Variants in RPH3AL observed in about 807,000 individuals in gnomAD.
RPH3AL encodes the protein rabphilin 3A like (without C2 domains).
RPH3AL carries 38 observed loss-of-function variants against 43.1 expected under a neutral mutation model. The ratio of observed to expected loss-of-function variants is 0.88; its 90% CI spans 0.68 to 1.15. RPH3AL has a LOEUF of 1.15. RPH3AL is among the 50% of genes most tolerant of loss of function. The probability of loss-of-function intolerance (pLI) is 0.00; values close to 1 mark genes in which losing one functional copy is unlikely to be tolerated. For missense variants in RPH3AL, 462 were observed against 423.2 expected (o/e 1.09, Z -0.81); for synonymous variants, 189 against 176.3 (o/e 1.07, Z -0.57).
chr17:257,265 G>A (rs1367486866), intron 6 of RPH3AL, among the ~76,000 whole-genome samples: 1 of 27,038 alleles, frequency 3.7e-5, no homozygotes, highest in African/African-American at 1.0e-4. Context: ...GGAGCCGCAC[G>A]GCGTCTGTCC....
At chr17:241,285 A>G (rs1394851212) in intron 7 of RPH3AL, among the ~76,000 whole-genome samples, 2 of 152,020 alleles carry the variant, frequency 1.3e-5, no homozygotes, top group Non-Finnish European at 2.9e-5. Context: ...AGTCCCAGCT[A>G]CTGGGGAGGC....
chr17:333,395 T>C lies in RPH3AL; in HGVS notation c.-37+364A>G. 1.2e-6 allele frequency: 1 copy of C among 856,204 alleles called. No individual in the cohort carries two copies. Among genetic ancestry groups the C allele is most frequent in the Non-Finnish European group, 1.6e-6 (1 of 615,942 alleles). 53.0% of individuals were successfully genotyped at this position (856,204 alleles called of 1,614,324 possible). ...CACCTTAATGTAGCACCTTCCAACT[T>C]TTCCTGGGCATTTATGTACAAATTG... On this transcript the variant is annotated intron_variant, in intron 2 of 9. Coordinates refer to ENST00000331302, the MANE Select transcript of RPH3AL (RefSeq NM_006987.4). This position sits in a 1 kb window ranked among gnomAD's most constrained non-coding sequence, Gnocchi z 4.5.
At chr17:321,841 T>C (rs1374530572) in intron 3 of RPH3AL, among the ~76,000 whole-genome samples, 1 of 152,120 alleles carries the variant, frequency 6.6e-6, no homozygotes, top group Admixed American at 6.5e-5. Context: ...CAGCACCACC[T>C]TAGCCCGGGA....
chr17:246,972 G>T lies in RPH3AL; in HGVS notation c.613+139C>A. ...CTCGGGAGAAGGTGTGGAGCTGAGG[G>T]CACAGGGAGGGACGCATCACCAGAA... On this transcript the variant is annotated intron_variant, in intron 7 of 9. Coordinates refer to ENST00000331302, the MANE Select transcript of RPH3AL (RefSeq NM_006987.4). This position sits in a 1 kb window ranked among gnomAD's most constrained non-coding sequence, Gnocchi z 4.8. 1.1e-6 allele frequency: 1 copy of T among 890,396 alleles called. No homozygotes were observed. Among genetic ancestry groups the T allele is most frequent in the Non-Finnish European group, 1.8e-6 (1 of 553,304 alleles). 55.2% of individuals were successfully genotyped at this position (890,396 alleles called of 1,614,324 possible).
chr17:289,192 C>T lies in RPH3AL; in HGVS notation c.352-7338G>A, dbSNP rs2042990775. ...ACAGGCCCCCCCACACCCCAGGTTG[C>T]AGATGAGGGGATCAAGGGAGACGGT... On this transcript the variant is annotated intron_variant, in intron 5 of 9. Transcript: ENST00000331302. This position sits in a 1 kb window ranked among gnomAD's most constrained non-coding sequence, Gnocchi z 5.2. Among the ~76,000 whole-genome samples, 1 of 152,094 alleles carries T rather than the reference C, an allele frequency of 6.6e-6. No homozygotes were observed. The highest frequency in any genetic ancestry group is 2.4e-5 in the African/African-American group (1 of 41,410).
chr17:293,894 T>A (rs1209873002), intron 5 of RPH3AL, among the ~76,000 whole-genome samples: 1 of 151,916 alleles, frequency 6.6e-6, no homozygotes, highest in Non-Finnish European at 1.5e-5. Context: ...CCGGGCGCGG[T>A]GGTACTCACC....
intron 5 of RPH3AL, among the ~76,000 whole-genome samples, chr17:297,707 C>T (rs537477010): frequency 2.9e-4 from 44 of 152,298 alleles, no homozygotes; most frequent in Admixed American, 2.0e-3. Flanking sequence ...CCTGTGCTTC[C>T]GGAAGGCTTA....
chr17:316,639 A>G (rs1324682567), intron 5 of RPH3AL, among the ~76,000 whole-genome samples: 1 of 121,982 alleles, frequency 8.2e-6, no homozygotes, highest in Admixed American at 8.8e-5. Flanking sequence ...CTCCACCTCC[A>G]TTGACCTGCA....
intron 7 of RPH3AL, among the ~76,000 whole-genome samples, chr17:244,253 C>CTATTGATTACCTTCCTT (rs1555538748): frequency 1.3e-5 from 2 of 151,124 alleles, no homozygotes; most frequent in Non-Finnish European, 2.9e-5. Context: ...TTACCTTCCT[C>CTATTGATTACCTTCCTT]TATTGATTAC....
chr17:220,061 G>A (rs2040920831), intron 7 of RPH3AL, among the ~76,000 whole-genome samples: 1 of 152,196 alleles, frequency 6.6e-6, no homozygotes, highest in Non-Finnish European at 1.5e-5. Flanking sequence ...CACTGGCCGT[G>A]TCGGAGGCTG....
At chr17:229,627 G>A (rs2041182875) in intron 7 of RPH3AL, among the ~76,000 whole-genome samples, 1 of 152,206 alleles carries the variant, frequency 6.6e-6, no homozygotes, top group Non-Finnish European at 1.5e-5. Context: ...GGGATGCTTG[G>A]TGGCCTCAGC....
Position 219,662 on chromosome 17 carries a change from C to T in RPH3AL, c.688G>A (p.Val230Ile), listed in dbSNP as rs928514923. The stretch of plus-strand genomic sequence containing the variant: ...GGTTTGTCGCCTTTCCGGTCCCTGA[C>T]CCCAGTGGATGGGAGTCTGTCCTCT... The part of the protein sequence containing the change: ...SLEDRLPSTG[V>I]RDRKGDKPWK... The change falls in exon 8 of 10, where the codon GTC becomes ATC. Residue 230 changes from valine to isoleucine, a missense_variant. By Grantham distance (29) the Val-to-Ile change is conservative (BLOSUM62 3). Coordinates refer to ENST00000331302, the MANE Select transcript of RPH3AL (RefSeq NM_006987.4). The T allele has an allele frequency of 2.5e-6, 4 of 1,613,290 alleles. No individual in the cohort carries two copies. In the African/African-American group the frequency reaches 5.4e-5, roughly 22 times the overall value.
In RPH3AL at chr17:238,406, A is replaced by G. The variant is rs547087106; in HGVS notation, c.613+8705T>C. ...CTAGGCAGCGGTGCCTGCGGGTCAC[A>G]GCTCTGGAGGTTGAAGAGAAGAAGC... On this transcript the variant is annotated intron_variant, in intron 7 of 9. Coordinates refer to ENST00000331302, the MANE Select transcript of RPH3AL (RefSeq NM_006987.4). 5.3e-5 allele frequency among the ~76,000 whole-genome samples: 8 copies of G among 151,454 alleles called. No individual in the cohort carries two copies. The South Asian group carries it at 1.0e-3, about 20-fold the overall frequency.
chr17:267,306 C>T (rs1043001061), intron 6 of RPH3AL, among the ~76,000 whole-genome samples: 10 of 152,224 alleles, frequency 6.6e-5, no homozygotes, highest in African/African-American at 2.4e-4. Flanking sequence ...GCTGCTCTGA[C>T]ACCGGTTTGA....
chr17:314,607 T>G (rs2043819556), intron 5 of RPH3AL, among the ~76,000 whole-genome samples: 2 of 150,288 alleles, frequency 1.3e-5, no homozygotes, highest in African/African-American at 2.5e-5. Context: ...TCCACTGACC[T>G]GTAGTCCCTG....
At chr17:273,041 G>GTCAGGGAGAGACCCCAGCAAGGGCT (rs2042539612) in intron 6 of RPH3AL, among the ~76,000 whole-genome samples, 1 of 101,590 alleles carries the variant, frequency 9.8e-6, no homozygotes, top group African/African-American at 3.3e-5. Context: ...CAGCGAGGGC[G>GTCAGGGAGAGACCCCAGCAAGGGCT]ACGTCAGGGA....
At chr17:352,142 G>T (rs991182710) in intron 1 of RPH3AL, among the ~76,000 whole-genome samples, 4 of 152,176 alleles carry the variant, frequency 2.6e-5, no homozygotes, top group African/African-American at 9.7e-5. Flanking sequence ...GTTATCTGGG[G>T]ACTTGTCACC....
intron 5 of RPH3AL, among the ~76,000 whole-genome samples, chr17:312,023 G>A (rs182232835): frequency 6.6e-6 from 1 of 152,264 alleles, no homozygotes; most frequent in East Asian, 1.9e-4. Context: ...AAAGGGAGAG[G>A]CCGGGTGCTG....
At position 245,099 on chromosome 17, in the gene RPH3AL, G is replaced by A. The variant is rs976577559; in HGVS notation, c.613+2012C>T. On this transcript the variant is annotated intron_variant, in intron 7 of 9. Transcript: ENST00000331302. The surrounding 1 kb of genome is among the most constrained non-coding windows in gnomAD (Gnocchi z 5.9). ...TGTGCATGCGCAAGTGTGTGTAGAC[G>A]TGTGTGTACATGTGGATGTGTGTGT... Among the ~76,000 whole-genome samples the A allele has an allele frequency of 2.6e-5, 4 of 151,632 alleles. No homozygotes were observed. Among genetic ancestry groups the A allele is most frequent in the South Asian group, 4.2e-4 (2 of 4,782 alleles).
Sources: gnomAD v4.1 joint callset for allele counts (sites outside exome capture counted in the v4.1 genomes callset) on GRCh38, gnomAD v4.1.1 for gene constraint, Gnocchi (gnomAD v3.1) non-coding constraint, MANE v1.5 for transcripts, NCBI Gene and HGNC (gene_info 2026-07-23, HGNC 2026-07-21) for gene names.